RECK: variants seen among roughly 807,000 people sequenced by gnomAD.
RECK encodes reversion inducing cysteine rich protein with kazal motifs, also known as reversion-inducing cysteine-rich protein with Kazal motifs.
Under a neutral mutation model 115.1 loss-of-function variants are expected in RECK, and 69 were observed. The ratio of observed to expected loss-of-function variants is 0.60; its 90% CI spans 0.49 to 0.73. The LOEUF (loss-of-function observed/expected upper bound fraction) is 0.73. RECK is among the 30% of genes least tolerant of loss of function. The probability of loss-of-function intolerance (pLI) is 0.00; values close to 1 mark genes in which losing one functional copy is unlikely to be tolerated. For missense variants in RECK, 1,047 were observed against 1,203.7 expected, an observed-to-expected ratio of 0.87 and a Z score of 1.93; for synonymous variants, 414 against 419.7, an observed-to-expected ratio of 0.99 and a Z score of 0.17.
chr9:36,079,977 G>A (rs1822618725), intron 6 of RECK, among the ~76,000 whole-genome samples: 1 of 152,084 alleles, frequency 6.6e-6, no homozygotes, highest in Non-Finnish European at 1.5e-5. Context: ...CCTGGGGCGG[G>A]TCTCTTTTAC....
intron 6 of RECK, among the ~76,000 whole-genome samples, chr9:36,068,652 G>A (rs1414997702): frequency 6.6e-6 from 1 of 152,228 alleles, no homozygotes; most frequent in Non-Finnish European, 1.5e-5. Flanking sequence ...ACGAGGCTCA[G>A]AAGTCAGGAG....
At chr9:36,064,552 TTTC>T (rs921865717) in intron 5 of RECK, among the ~76,000 whole-genome samples, 5 of 152,190 alleles carry the variant, frequency 3.3e-5, no homozygotes, top group Admixed American at 6.5e-5. Context: ...CTTCTCTTAT[TTTC>T]TTCTTCTAGG....
At chr9:36,108,250 A>G in intron 14 of RECK, 86 bp downstream of exon 14, 1 of 1,010,768 alleles carries the variant, frequency 9.9e-7, no homozygotes, top group Non-Finnish European at 1.4e-6. Context: ...TTCTGACCAC[A>G]GAGTAAGGTC....
At chr9:36,093,540 A>C (rs746960903) in intron 10 of RECK, among the ~76,000 whole-genome samples, 1 of 152,198 alleles carries the variant, frequency 6.6e-6, no homozygotes, top group East Asian at 1.9e-4. Context: ...TAGGGAATGG[A>C]AAATAGACAC....
At chr9:36,060,033 A>C in intron 3 of RECK, 86 bp from the exon 4 acceptor site, 1 of 1,221,142 alleles carries the variant, frequency 8.2e-7, no homozygotes, top group Admixed American at 1.7e-5. Context: ...TAATCAAATT[A>C]GCTGTTCATA....
Position 36,104,578 on chromosome 9 carries a change from C to T in RECK, c.1436-565C>T, listed in dbSNP as rs181545910. ...AAGCTGGAGTGCAGTGATGTGATCT[C>T]GGCCCACTGCAACATCTGCCTCCCG... On this transcript the variant is annotated intron_variant, in intron 12 of 20. Coordinates refer to ENST00000377966, the MANE Select transcript of RECK (RefSeq NM_021111.3). Among the ~76,000 whole-genome samples the T allele has an allele frequency of 3.8e-3, 572 of 150,534 alleles. 2 individuals carry two copies. Among genetic ancestry groups the T allele is most frequent in the African/African-American group, 0.013 (551 of 40,956 alleles).
At chr9:36,087,984 C>T (rs1564122299) in intron 9 of RECK, 23 bp downstream of exon 9, 2 of 1,571,424 alleles carry the variant, frequency 1.3e-6, no homozygotes, top group African/African-American at 1.4e-5. Flanking sequence ...TTTTCCTTTA[C>T]CAAAATCAGT....
At chr9:36,096,835 G>C (rs569093302) in intron 10 of RECK, among the ~76,000 whole-genome samples, 4 of 152,118 alleles carry the variant, frequency 2.6e-5, no homozygotes, top group East Asian at 3.9e-4. Context: ...AAAATCTTTT[G>C]TTTGCCAAAA....
At chr9:36,051,783 C>T (rs1588271649) in intron 1 of RECK, among the ~76,000 whole-genome samples, 1 of 152,284 alleles carries the variant, frequency 6.6e-6, no homozygotes, top group East Asian at 1.9e-4. Context: ...TTAGGCTTGG[C>T]TTTACCTGCA....
rs1383984701 is a variant in RECK, at chr9:36,086,460, CAGTG to C, written c.638-1229_638-1226del. ...TCAGGAGTGAAGCCGCAGACCTTCG[CAGTG>C]AGTGTTACAGCTCATGAAGGTAGTG... On this transcript the variant is annotated intron_variant, in intron 8 of 20. Coordinates refer to ENST00000377966, the MANE Select transcript of RECK (RefSeq NM_021111.3). Among the ~76,000 whole-genome samples the C allele has an allele frequency of 7.2e-5, 11 of 152,222 alleles. No individual in the cohort carries two copies. In the South Asian group the frequency reaches 2.3e-3, roughly 32 times the overall value.
chr9:36,063,109 T>C (rs1821849941), intron 4 of RECK, among the ~76,000 whole-genome samples: 3 of 152,080 alleles, frequency 2.0e-5, no homozygotes, highest in Admixed American at 2.0e-4. Flanking sequence ...CACTCCAGCC[T>C]GGGCAACAGA....
At position 36,112,370 on chromosome 9, in the gene RECK, A is replaced by G; in HGVS notation, c.1954A>G (p.Ser652Gly). The change falls in exon 16 of 21, where the codon AGT becomes GGT. Residue 652 changes from serine to glycine, a missense_variant. Physicochemically the swap from Ser to Gly is moderately conservative, Grantham distance 56. Transcript: ENST00000377966. The part of the protein sequence containing the change: ...VCGQNGRTYP[S>G]ACIARCVGLQ... ...TGGGCAGAATGGGCGCACTTACCCC[A>G]GTGCCTGCATTGCTCGCTGTGTGGG... 6.2e-7 allele frequency: 1 copy of G among 1,613,928 alleles called. No individual in the cohort carries two copies. Among genetic ancestry groups the G allele is most frequent in the Non-Finnish European group, 8.5e-7 (1 of 1,180,028 alleles).
rs977728596 is a variant in RECK at position 36,124,347 on chromosome 9, G to A, written c.*1302G>A. 12 of 152,710 alleles carry A rather than the reference G, an allele frequency of 7.9e-5. No homozygotes were observed. The South Asian group carries it at 2.5e-3, about 32-fold the overall frequency. 9.5% of individuals were successfully genotyped at this position (152,710 alleles called of 1,614,324 possible). A position where few individuals can be genotyped will look rare whatever the true frequency, so the allele number is the denominator to read the frequency against. On this transcript the variant is annotated 3_prime_UTR_variant, in exon 21 of 21. Transcript: ENST00000377966. ...CACTTAAAGCTTTCAGAATATGTCA[G>A]TGCTGATGTAGCATGCTTGTTGCAA...
intron 2 of RECK, 106 bp downstream of exon 2, chr9:36,052,429 T>G: frequency 1.3e-6 from 1 of 759,688 alleles, no homozygotes. Context: ...GGCCAGGGGT[T>G]CAGGACCAGC....
chr9:36,050,209 T>C (rs960920465), intron 1 of RECK, among the ~76,000 whole-genome samples: 8 of 152,196 alleles, frequency 5.3e-5, no homozygotes, highest in African/African-American at 1.9e-4. Flanking sequence ...AGATATATAA[T>C]AGGCATCTCA....
At position 36,093,761 on chromosome 9, in the gene RECK, T is replaced by C. The variant is rs188979899; in HGVS notation, c.1085+2418T>C. ...TTTTTTGGGAAACCTTAGTAAACGC[T>C]AAGTCAGATAAATACAAAGAGAGAC... is the stretch of plus-strand genomic sequence containing the variant. On this transcript the variant is annotated intron_variant, in intron 10 of 20. Coordinates refer to ENST00000377966, the MANE Select transcript of RECK (RefSeq NM_021111.3). Among the ~76,000 whole-genome samples the C allele has an allele frequency of 2.8e-3, 429 of 152,210 alleles. 2 individuals carry two copies. Among genetic ancestry groups the C allele is most frequent in the Non-Finnish European group, 4.4e-3 (297 of 68,000 alleles).
chr9:36,105,981 A>G (rs1262860505), intron 13 of RECK, among the ~76,000 whole-genome samples: 1 of 152,152 alleles, frequency 6.6e-6, no homozygotes, highest in African/African-American at 2.4e-5. Context: ...TGGGAGGCCA[A>G]GGCGGGCGGA....
At chr9:36,119,792 C>T (rs7032577) in intron 18 of RECK, among the ~76,000 whole-genome samples, 2,881 of 152,108 alleles carry the variant, frequency 0.019, 91 homozygotes, top group African/African-American at 0.065. Context: ...TACGATGACA[C>T]GAAATGAAGG....
chr9:36,037,587 G>T (rs891007140), intron 1 of RECK, among the ~76,000 whole-genome samples: 3 of 151,904 alleles, frequency 2.0e-5, no homozygotes, highest in African/African-American at 7.3e-5. Flanking sequence ...CTGGACTCGG[G>T]CAGGAGACAT....
Sources: allele counts gnomAD v4.1 joint callset (sites outside exome capture counted in the v4.1 genomes callset), GRCh38; gene constraint gnomAD v4.1.1; transcripts MANE v1.5; gene names NCBI Gene and HGNC (gene_info 2026-07-23, HGNC 2026-07-21).